ST6GALNAC3: variants seen among roughly 807,000 people sequenced by gnomAD.
ST6GALNAC3 encodes ST6 N-acetylgalactosaminide alpha-2,6-sialyltransferase 3.
A neutral mutation model predicts 32.7 loss-of-function variants in ST6GALNAC3; 25 were observed. The ratio of observed to expected loss-of-function variants is 0.76; its 90% CI spans 0.56 to 1.07. The LOEUF (loss-of-function observed/expected upper bound fraction) is 1.07, where lower values mean the gene tolerates loss of function less well. Among genes scored for constraint, ST6GALNAC3 ranks in the 50% least tolerant of loss-of-function variants. ST6GALNAC3 has a pLI of 0.00. For synonymous variants in ST6GALNAC3, 129 were observed against 133.1 expected (o/e 0.97, Z 0.21); for missense variants, 355 against 382.4 (o/e 0.93, Z 0.60).
chr1:76,344,456 A>G (rs1014188845), intron 2 of ST6GALNAC3, among the ~76,000 whole-genome samples: 5 of 152,126 alleles, frequency 3.3e-5, no homozygotes, highest in Non-Finnish European at 7.3e-5. Context: ...AATATATGAC[A>G]TACTTTTTCA....
Position 76,600,868 on chromosome 1 carries a change from G to A in ST6GALNAC3, c.624-26584G>A, listed in dbSNP as rs551267787. 3.0e-3 allele frequency among the ~76,000 whole-genome samples: 456 copies of A among 152,182 alleles called. 4 individuals carry two copies. The highest frequency in any genetic ancestry group is 4.7e-3 in the Non-Finnish European group (322 of 68,006). On this transcript the variant is annotated intron_variant, in intron 3 of 4. Transcript: ENST00000328299. ...CCTGGAAATGAACAAGATATATTGA[G>A]GCCAAGATGCCACCTAAAAAATATT...
intron 3 of ST6GALNAC3, among the ~76,000 whole-genome samples, chr1:76,521,938 A>G (rs2101793035): frequency 6.6e-6 from 1 of 152,050 alleles, no homozygotes; most frequent in Non-Finnish European, 1.5e-5. Flanking sequence ...ATGTGGTGGC[A>G]TGCACCTGTA....
At chr1:76,283,639 C>G (rs1387013211) in intron 1 of ST6GALNAC3, among the ~76,000 whole-genome samples, 2 of 152,202 alleles carry the variant, frequency 1.3e-5, no homozygotes, top group Non-Finnish European at 2.9e-5. Flanking sequence ...AAGGTTAACA[C>G]TATTCATCTT....
At chr1:76,510,318 T>C (rs1661770131) in intron 3 of ST6GALNAC3, among the ~76,000 whole-genome samples, 1 of 152,134 alleles carries the variant, frequency 6.6e-6, no homozygotes, top group Non-Finnish European at 1.5e-5. Context: ...TATTGTGGCC[T>C]TTGATTTCTA....
At chr1:76,261,147 G>A in intron 1 of ST6GALNAC3, among the ~76,000 whole-genome samples, 1 of 152,070 alleles carries the variant, frequency 6.6e-6, no homozygotes. Context: ...TCTTCATGAT[G>A]CACAGTAGGC....
chr1:76,604,109 A>C (rs1647373511), intron 3 of ST6GALNAC3, among the ~76,000 whole-genome samples: 1 of 152,196 alleles, frequency 6.6e-6, no homozygotes, highest in Non-Finnish European at 1.5e-5. Context: ...AATATTTGAA[A>C]AATGGGAAAA....
intron 3 of ST6GALNAC3, among the ~76,000 whole-genome samples, chr1:76,474,066 A>G (rs900107319): frequency 6.6e-6 from 1 of 152,174 alleles, no homozygotes; most frequent in Non-Finnish European, 1.5e-5. Context: ...CAACGAGTTC[A>G]ATCACCCCAA....
chr1:76,089,346 C>T (rs759606508), intron 1 of ST6GALNAC3, among the ~76,000 whole-genome samples: 20 of 152,198 alleles, frequency 1.3e-4, no homozygotes, highest in East Asian at 3.8e-4. Flanking sequence ...CCACCGCACC[C>T]GGCCACACTG....
intron 1 of ST6GALNAC3, among the ~76,000 whole-genome samples, chr1:76,275,497 T>C (rs1659085329): frequency 6.6e-6 from 1 of 152,166 alleles, no homozygotes; most frequent in Non-Finnish European, 1.5e-5. Context: ...TGGTCATTGC[T>C]TATCTGTCAC....
chr1:76,263,943 G>A (rs1393856808), intron 1 of ST6GALNAC3, among the ~76,000 whole-genome samples: 1 of 152,074 alleles, frequency 6.6e-6, no homozygotes, highest in Admixed American at 6.6e-5. Flanking sequence ...GGCACTGGAT[G>A]GACAAATCAT....
At chr1:76,544,776 C>G (rs553474537) in intron 3 of ST6GALNAC3, among the ~76,000 whole-genome samples, 3 of 152,154 alleles carry the variant, frequency 2.0e-5, no homozygotes, top group South Asian at 4.2e-4. Context: ...ATCAGCGTAT[C>G]GATGGTATTT....
At position 76,265,133 on chromosome 1, in the gene ST6GALNAC3, C is replaced by G. The variant is rs530731820; in HGVS notation, c.19-48672C>G. Among the ~76,000 whole-genome samples the G allele has an allele frequency of 9.2e-5, 14 of 152,154 alleles. No individual in the cohort carries two copies. The South Asian group carries it at 2.9e-3, about 32-fold the overall frequency. The stretch of plus-strand genomic sequence containing the variant: ...ATACAGGTGATATTTGACGGTAGTA[C>G]ATATCTTGAAGAGAAAAAAAGTCAT... On this transcript the variant is annotated intron_variant, in intron 1 of 4. Coordinates refer to ENST00000328299, the MANE Select transcript of ST6GALNAC3 (RefSeq NM_152996.4).
At chr1:76,320,111 G>T (rs1013384337) in intron 2 of ST6GALNAC3, among the ~76,000 whole-genome samples, 1 of 152,184 alleles carries the variant, frequency 6.6e-6, no homozygotes, top group Non-Finnish European at 1.5e-5. Context: ...TTTCCAGGAA[G>T]CTTTTGTGGG....
At chr1:76,168,808 G>T (rs1652292294) in intron 1 of ST6GALNAC3, among the ~76,000 whole-genome samples, 1 of 151,668 alleles carries the variant, frequency 6.6e-6, no homozygotes, top group Non-Finnish European at 1.5e-5. Flanking sequence ...CTGCTTGGTA[G>T]ATTTTTCTCC....
At chr1:76,385,120 T>C (rs1366046687) in intron 2 of ST6GALNAC3, among the ~76,000 whole-genome samples, 1 of 152,084 alleles carries the variant, frequency 6.6e-6, no homozygotes, top group Non-Finnish European at 1.5e-5. Context: ...CATTAACACA[T>C]GTTTAAAAAA....
chr1:76,086,159 C>T (rs1231146441), intron 1 of ST6GALNAC3, among the ~76,000 whole-genome samples: 1 of 152,190 alleles, frequency 6.6e-6, no homozygotes, highest in Non-Finnish European at 1.5e-5. Flanking sequence ...ACTTTGGACC[C>T]CCCACTTCTT....
chr1:76,274,151 A>T (rs942776845), intron 1 of ST6GALNAC3, among the ~76,000 whole-genome samples: 1 of 152,196 alleles, frequency 6.6e-6, no homozygotes, highest in Admixed American at 6.5e-5. Flanking sequence ...AATAATAAAA[A>T]CTTCTCAAAC....
At chr1:76,378,414 C>A (rs376562716) in intron 2 of ST6GALNAC3, among the ~76,000 whole-genome samples, 4 of 152,084 alleles carry the variant, frequency 2.6e-5, no homozygotes, top group African/African-American at 9.7e-5. Context: ...GGAATCCCAG[C>A]ACTTTGGGAG....
At chr1:76,421,830 C>T (rs758095162) in intron 3 of ST6GALNAC3, among the ~76,000 whole-genome samples, 71 of 151,886 alleles carry the variant, frequency 4.7e-4, no homozygotes, top group Non-Finnish European at 9.4e-4. Context: ...ATATTCAGAT[C>T]ATGTCACTCT....
Sources: allele counts gnomAD v4.1 joint callset (sites outside exome capture counted in the v4.1 genomes callset), GRCh38; gene constraint gnomAD v4.1.1; transcripts MANE v1.5; gene names NCBI Gene and HGNC (gene_info 2026-07-23, HGNC 2026-07-21).